WNT11: variants seen among roughly 807,000 people sequenced by gnomAD.
WNT11 encodes protein Wnt-11.
WNT11 carries 20 observed loss-of-function variants against 35.6 expected under a neutral mutation model. The observed-to-expected ratio is 0.56, with a 90% CI of 0.40 to 0.82. WNT11 has a LOEUF of 0.82. WNT11 is among the 40% of genes least tolerant of loss of function. The pLI, the probability that WNT11 is intolerant of heterozygous loss-of-function variation, is 0.00. For missense variants in WNT11, 459 were observed against 504.4 expected (o/e 0.91, Z 0.86); for synonymous variants, 200 against 211.9 (o/e 0.94, Z 0.49).
intron 2 of WNT11, among the ~76,000 whole-genome samples, chr11:76,195,645 G>C (rs1953271455): frequency 6.6e-6 from 1 of 152,174 alleles, no homozygotes; most frequent in African/African-American, 2.4e-5. Flanking sequence ...CAGCAGCCCT[G>C]GGAAACGAAT....
At position 76,187,105 on chromosome 11, in the gene WNT11, C is replaced by T. The variant is rs747044515; in HGVS notation, c.1025G>A (p.Arg342His). 17 of 1,611,966 alleles carry T rather than the reference C, an allele frequency of 1.1e-5. No individual in the cohort carries two copies. Among genetic ancestry groups the T allele is most frequent in the African/African-American group, 6.7e-5 (5 of 74,924 alleles). The change falls in exon 5 of 5, where the codon CGC becomes CAC. Residue 342 changes from arginine (R) to histidine (H), a missense_variant. By Grantham distance (29) the Arg-to-His change is conservative. Coordinates refer to ENST00000322563, the MANE Select transcript of WNT11 (RefSeq NM_004626.3). ...GCGCTCCACGGTACGCTCACACCTG[C>T]GGCAGGTGACGTAGCAGCACCAGTG... is the stretch of plus-strand genomic sequence containing the variant. ...KYHWCCYVTCRRCERTVERYV... is the reference protein window; with the variant it reads ...KYHWCCYVTCHRCERTVERYV...
At chr11:76,199,595 A>G (rs1349805216) in intron 1 of WNT11, among the ~76,000 whole-genome samples, 3 of 152,094 alleles carry the variant, frequency 2.0e-5, no homozygotes, top group East Asian at 1.9e-4. Flanking sequence ...ATGAGGTCAG[A>G]AGATCAAGAC....
chr11:76,186,994 G>A lies in WNT11; in HGVS notation c.*71C>T, dbSNP rs538746042. On this transcript the variant is annotated 3_prime_UTR_variant, in exon 5 of 5. Coordinates refer to ENST00000322563, the MANE Select transcript of WNT11 (RefSeq NM_004626.3). The stretch of plus-strand genomic sequence containing the variant: ...AGCAGAGCTCCATGGAGTGTCTCCA[G>A]GCCCCTGGCCCCAGTTGCTGAGGGT... The A allele has an allele frequency of 6.3e-7, 1 of 1,594,750 alleles. No individual in the cohort carries two copies. Among genetic ancestry groups the A allele is most frequent in the Non-Finnish European group, 8.5e-7 (1 of 1,176,342 alleles).
upstream of WNT11, among the ~76,000 whole-genome samples, chr11:76,207,457 C>T (rs1953491916): frequency 6.6e-6 from 1 of 152,304 alleles, no homozygotes; most frequent in East Asian, 1.9e-4. Flanking sequence ...CCTCATCTCA[C>T]AGATGAGGAA....
At chr11:76,187,311 C>T in intron 4 of WNT11, 72 bp from the exon 5 acceptor site, 5 of 1,439,258 alleles carry the variant, frequency 3.5e-6, no homozygotes, top group Non-Finnish European at 4.6e-6. Context: ...TGACTCCCAG[C>T]CAGGCAGCCG....
intron 3 of WNT11, among the ~76,000 whole-genome samples, chr11:76,193,408 C>T (rs946700563): frequency 6.6e-6 from 1 of 151,190 alleles, no homozygotes; most frequent in Non-Finnish European, 1.5e-5. Flanking sequence ...TGATGGTGGG[C>T]GTGGCCATGG....
At chr11:76,209,125 C>T (rs891986716), upstream of WNT11, among the ~76,000 whole-genome samples, 3 of 152,244 alleles carry the variant, frequency 2.0e-5, no homozygotes, top group Non-Finnish European at 2.9e-5. Flanking sequence ...GGACACTTGC[C>T]GTGGGCCGCC....
intron 1 of WNT11, among the ~76,000 whole-genome samples, chr11:76,198,532 T>C (rs1391712964): frequency 6.6e-6 from 1 of 152,212 alleles, no homozygotes; most frequent in Non-Finnish European, 1.5e-5. Flanking sequence ...GCCCAAGCTT[T>C]TCCTGATGCC....
rs1132737 is a variant in WNT11 at position 76,194,803 on chromosome 11, C to T, written c.361G>A (p.Ala121Thr). The T allele has an allele frequency of 1.5e-3, 2,371 of 1,547,502 alleles. 34 individuals are homozygous for T. The African/African-American group carries it at 0.029, about 19-fold the overall frequency. ...SAFVYALSAA[A>T]ISHAIARACT... is the part of the protein sequence containing the mutation. Reference sequence around the variant, plus strand: ...GCCCGGGCGATGGCGTGGCTGATGGCGGCGGCCGACAGCGCATACACGAAG... The same window carrying T: ...GCCCGGGCGATGGCGTGGCTGATGGTGGCGGCCGACAGCGCATACACGAAG... The change falls in exon 3 of 5, where the codon GCC becomes ACC. Residue 121 changes from alanine to threonine, a missense_variant. By Grantham distance (58) the Ala-to-Thr change is moderately conservative (BLOSUM62 0). Transcript: ENST00000322563. This position sits in a 1 kb window ranked among gnomAD's most constrained non-coding sequence, Gnocchi z 5.4.
chr11:76,202,679 T>A (rs563868998), intron 1 of WNT11, among the ~76,000 whole-genome samples: 77 of 152,258 alleles, frequency 5.1e-4, no homozygotes, highest in African/African-American at 1.7e-3. Context: ...GAAGTGCCCC[T>A]TCTTCACCAG....
At chr11:76,207,844 A>G (rs553593295), upstream of WNT11, among the ~76,000 whole-genome samples, 3 of 151,924 alleles carry the variant, frequency 2.0e-5, no homozygotes, top group Non-Finnish European at 4.4e-5. Flanking sequence ...CCTTCACTTC[A>G]TTCTCACCTC....
At chr11:76,204,613 A>G (rs1953441367) in intron 1 of WNT11, among the ~76,000 whole-genome samples, 1 of 152,102 alleles carries the variant, frequency 6.6e-6, no homozygotes, top group Non-Finnish European at 1.5e-5. Flanking sequence ...TTGTATTTCT[A>G]TATGTCCATC....
At chr11:76,188,165 T>C (rs1953126871) in intron 4 of WNT11, among the ~76,000 whole-genome samples, 1 of 152,266 alleles carries the variant, frequency 6.6e-6, no homozygotes, top group Admixed American at 6.5e-5. Flanking sequence ...TAGGGGTCTG[T>C]TGGCCATGTG....
chr11:76,207,610 G>A (rs1953494141), upstream of WNT11, among the ~76,000 whole-genome samples: 1 of 152,168 alleles, frequency 6.6e-6, no homozygotes, highest in Admixed American at 6.5e-5. Context: ...TCTTTGTACA[G>A]TGAGGATTCC....
chr11:76,188,832 G>T (rs1001321506), intron 4 of WNT11, among the ~76,000 whole-genome samples: 4 of 152,220 alleles, frequency 2.6e-5, no homozygotes, highest in Admixed American at 2.6e-4. Flanking sequence ...GAGTGCTGGG[G>T]TAGAGGGAAC....
upstream of WNT11, among the ~76,000 whole-genome samples, chr11:76,207,606 T>A (rs1366249643): frequency 6.6e-6 from 1 of 152,026 alleles, no homozygotes; most frequent in Non-Finnish European, 1.5e-5. Flanking sequence ...GGGCTCTTTG[T>A]ACAGTGAGGA....
intron 3 of WNT11, among the ~76,000 whole-genome samples, chr11:76,192,482 G>A (rs754724043): frequency 1.1e-3 from 169 of 152,354 alleles, no homozygotes; most frequent in Non-Finnish European, 1.9e-3. Flanking sequence ...GCCACCCTCA[G>A]CAAGCCACAT....
intron 4 of WNT11, among the ~76,000 whole-genome samples, chr11:76,189,778 C>G (rs1030409019): frequency 6.6e-6 from 1 of 152,188 alleles, no homozygotes; most frequent in Non-Finnish European, 1.5e-5. Flanking sequence ...CAGAGCCAGG[C>G]AGAGACACAG....
Position 76,194,274 on chromosome 11 carries a change from C to T in WNT11, c.597+293G>A, listed in dbSNP as rs575063571. Among the ~76,000 whole-genome samples the T allele has an allele frequency of 7.9e-5, 12 of 152,072 alleles. No homozygotes were observed. In the South Asian group the frequency reaches 2.1e-3, roughly 26 times the overall value. ...CACTGACTTTCCCAAAGTCCCTAAG[C>T]GAGTTTAGTGCCAGAGCCAAGGCCA... is the stretch of plus-strand genomic sequence containing the variant. On this transcript the variant is annotated intron_variant, in intron 3 of 4. Coordinates refer to ENST00000322563, the MANE Select transcript of WNT11 (RefSeq NM_004626.3). The surrounding 1 kb of genome is among the most constrained non-coding windows in gnomAD (Gnocchi z 5.4).
Sources: gnomAD v4.1 joint callset for allele counts (sites outside exome capture counted in the v4.1 genomes callset) on GRCh38, gnomAD v4.1.1 for gene constraint, Gnocchi (gnomAD v3.1) non-coding constraint, MANE v1.5 for transcripts, NCBI Gene and HGNC (gene_info 2026-07-23, HGNC 2026-07-21) for gene names.